The following TCF4 variants were observed in gnomAD, a reference collection of about 807,000 sequenced individuals.
The protein encoded by TCF4 is SL3-3 enhancer factor 2.
In TCF4, 3 loss-of-function variants were observed where a neutral mutation model predicts 82.1. The observed-to-expected ratio is 0.04, with a 90% confidence interval of 0.02 to 0.09. TCF4 has a LOEUF of 0.09. Ranked by LOEUF, TCF4 falls within the 10% of genes least tolerant of loss-of-function variation. TCF4 has a pLI of 1.00. For synonymous variants in TCF4, 276 were observed against 309.6 expected, an observed-to-expected ratio of 0.89 and a Z score of 1.14; for missense variants, 518 against 852.7, an observed-to-expected ratio of 0.61 and a Z score of 4.89.
At chr18:55,361,231 A>C (rs1055271860) in intron 6 of TCF4, among the ~76,000 whole-genome samples, 2 of 151,790 alleles carry the variant, frequency 1.3e-5, no homozygotes, top group Non-Finnish European at 2.9e-5. Context: ...AGGAGACCAA[A>C]CTTCAGAGCT....
chr18:55,346,259 T>C (rs551456046), intron 8 of TCF4, among the ~76,000 whole-genome samples: 2 of 152,294 alleles, frequency 1.3e-5, no homozygotes, highest in African/African-American at 4.8e-5. Flanking sequence ...GAACCTAATA[T>C]CTAATACACA....
At chr18:55,469,419 G>C (rs1001765508) in intron 3 of TCF4, among the ~76,000 whole-genome samples, 2 of 151,780 alleles carry the variant, frequency 1.3e-5, no homozygotes, top group African/African-American at 4.8e-5. Context: ...AGCCAAGATC[G>C]AGCCACTGTA....
chr18:55,459,068 G>T (rs2095823306), intron 5 of TCF4, among the ~76,000 whole-genome samples: 1 of 152,172 alleles, frequency 6.6e-6, no homozygotes, highest in South Asian at 2.1e-4. Flanking sequence ...GGAACAGTGG[G>T]TGGGGGCCTC....
intron 3 of TCF4, among the ~76,000 whole-genome samples, chr18:55,500,332 A>G (rs1410918814): frequency 6.6e-6 from 1 of 152,228 alleles, no homozygotes; most frequent in Non-Finnish European, 1.5e-5. Flanking sequence ...AGAATTAGGA[A>G]TAGCAGGGGA....
intron 9 of TCF4, among the ~76,000 whole-genome samples, chr18:55,277,531 A>C (rs1478399997): frequency 6.6e-6 from 1 of 152,132 alleles, no homozygotes; most frequent in Non-Finnish European, 1.5e-5. Context: ...TCTTGGCATA[A>C]TGTTCTTTTG....
At position 55,607,078 on chromosome 18, in the gene TCF4, G is replaced by C. The variant is rs117398360; in HGVS notation, c.287-19942C>G. Among the ~76,000 whole-genome samples, 451 of 152,196 alleles carry C rather than the reference G, an allele frequency of 3.0e-3. 5 individuals carry two copies. The highest frequency in any genetic ancestry group is 8.5e-3 in the East Asian group (44 of 5,176). ...AGGCACAATGGGTAGAGGTGAGCAT[G>C]TTCATGCCTCATCTCTTCATTGTTG... On this transcript the variant is annotated intron_variant, in intron 2 of 20. Coordinates refer to the TCF4 transcript ENST00000398339.
intron 8 of TCF4, among the ~76,000 whole-genome samples, chr18:55,293,930 A>AATTTTTT (rs1568769774): frequency 8.8e-4 from 20 of 22,664 alleles, no homozygotes; most frequent in African/African-American, 2.1e-3. Context: ...CTTTCCAAGG[A>AATTTTTT]CTTTTTTTTT....
At chr18:55,566,603 T>C (rs1167304259) in intron 3 of TCF4, among the ~76,000 whole-genome samples, 1 of 152,086 alleles carries the variant, frequency 6.6e-6, no homozygotes, top group Non-Finnish European at 1.5e-5. Flanking sequence ...TAAAAAAAAT[T>C]AATCATTGCA....
intron 5 of TCF4, among the ~76,000 whole-genome samples, chr18:55,458,326 G>A (rs575266164): frequency 2.6e-4 from 40 of 152,196 alleles, no homozygotes; most frequent in Non-Finnish European, 5.4e-4. Context: ...TCTGAAAGTG[G>A]AGACTGGAGT....
chr18:55,486,689 G>A (rs2096520617), intron 3 of TCF4, among the ~76,000 whole-genome samples: 1 of 152,162 alleles, frequency 6.6e-6, no homozygotes, highest in Admixed American at 6.5e-5. Flanking sequence ...CAGAGAACAG[G>A]TGAAATCGTA....
chr18:55,483,997 A>G (rs954871844), intron 3 of TCF4, among the ~76,000 whole-genome samples: 6 of 152,228 alleles, frequency 3.9e-5, no homozygotes, highest in Non-Finnish European at 8.8e-5. Flanking sequence ...AACTTTATAC[A>G]TCAGAGAAAG....
At chr18:55,333,018 C>CA (rs1189723758) in intron 8 of TCF4, among the ~76,000 whole-genome samples, 1 of 152,108 alleles carries the variant, frequency 6.6e-6, no homozygotes, top group Non-Finnish European at 1.5e-5. Flanking sequence ...TCAAGTCTAC[C>CA]AAAAAATTTA....
At chr18:55,399,925 C>CACACACACAA (rs1379193667) in intron 6 of TCF4, among the ~76,000 whole-genome samples, 1 of 126,684 alleles carries the variant, frequency 7.9e-6, no homozygotes, top group African/African-American at 3.1e-5. Flanking sequence ...CACACACACA[C>CACACACACAA]AATACTAAAA....
chr18:55,258,189 A>G (rs2057296860), intron 13 of TCF4, among the ~76,000 whole-genome samples: 1 of 152,154 alleles, frequency 6.6e-6, no homozygotes, highest in Non-Finnish European at 1.5e-5. Context: ...GTGTGCATGT[A>G]TATTTTTATG....
intron 3 of TCF4, among the ~76,000 whole-genome samples, chr18:55,568,545 ATATT>A (rs968516012): frequency 2.6e-5 from 4 of 151,852 alleles, no homozygotes; most frequent in Non-Finnish European, 5.9e-5. Context: ...GTTTATATAT[ATATT>A]TAATTGTTAA....
At chr18:55,488,897 C>T (rs575317466) in intron 3 of TCF4, among the ~76,000 whole-genome samples, 12 of 152,300 alleles carry the variant, frequency 7.9e-5, no homozygotes, top group South Asian at 2.1e-4. Context: ...CCTATTTTGA[C>T]GATTGTGTGT....
At chr18:55,313,506 T>C (rs1339991524) in intron 8 of TCF4, among the ~76,000 whole-genome samples, 1 of 152,146 alleles carries the variant, frequency 6.6e-6, no homozygotes, top group Non-Finnish European at 1.5e-5. Context: ...CCAAATTTAA[T>C]GTCATTACGT....
intron 6 of TCF4, chr18:55,401,505 A>G (rs1476663714): frequency 3.9e-5 from 39 of 989,544 alleles, no homozygotes; most frequent in Non-Finnish European, 4.2e-5. Flanking sequence ...CGAACCTCCC[A>G]AGGCCCAGAA....
At chr18:55,392,462 C>CAAAAAAAAAAA (rs772409228) in intron 6 of TCF4, among the ~76,000 whole-genome samples, 1 of 95,526 alleles carries the variant, frequency 1.0e-5, no homozygotes, top group Non-Finnish European at 2.1e-5. Context: ...AACAACCCCA[C>CAAAAAAAAAAA]AAAAAAAAAA....
Sources: gnomAD v4.1 joint callset for allele counts (sites outside exome capture counted in the v4.1 genomes callset) on GRCh38, gnomAD v4.1.1 for gene constraint, MANE v1.5 for transcripts, NCBI Gene and HGNC (gene_info 2026-07-23, HGNC 2026-07-21) for gene names.